Variants in EPHB1 observed in about 807,000 individuals in gnomAD.
EPHB1 encodes EPH receptor B1.
EPHB1 carries 30 observed loss-of-function variants against 94.4 expected under a neutral mutation model. That is an observed-to-expected ratio of 0.32 (90% CI 0.24 to 0.43). The LOEUF is 0.43. Among genes scored for constraint, EPHB1 ranks in the 20% least tolerant of loss-of-function variants. EPHB1 has a pLI of 1.00. For missense variants in EPHB1, 1,055 were observed against 1,308.3 expected, an observed-to-expected ratio of 0.81 and a Z score of 2.99; for synonymous variants, 522 against 489.1, an observed-to-expected ratio of 1.07 and a Z score of -0.89.
At chr3:134,949,819 C>G (rs1932948154) in intron 2 of EPHB1, among the ~76,000 whole-genome samples, 1 of 152,074 alleles carries the variant, frequency 6.6e-6, no homozygotes, top group Non-Finnish European at 1.5e-5. Context: ...GGAGAGCTCC[C>G]AGCTGTGGGC....
chr3:135,037,094 C>T (rs1159400095), intron 3 of EPHB1, among the ~76,000 whole-genome samples: 4 of 152,126 alleles, frequency 2.6e-5, no homozygotes, highest in South Asian at 2.1e-4. Flanking sequence ...ACCCTCATCC[C>T]AGGCCCAGTA....
intron 3 of EPHB1, among the ~76,000 whole-genome samples, chr3:135,035,632 CCT>C (rs1306563452): frequency 6.6e-6 from 1 of 152,054 alleles, no homozygotes; most frequent in Non-Finnish European, 1.5e-5. Flanking sequence ...CAGCACAGTC[CCT>C]CTCATACTCA....
chr3:135,145,111 A>G (rs1940967219), intron 5 of EPHB1, among the ~76,000 whole-genome samples: 1 of 152,196 alleles, frequency 6.6e-6, no homozygotes, highest in Non-Finnish European at 1.5e-5. Flanking sequence ...AAATTCAAGC[A>G]TATTTGGGCA....
chr3:135,030,345 C>G (rs1436319546), intron 3 of EPHB1, among the ~76,000 whole-genome samples: 2 of 152,140 alleles, frequency 1.3e-5, no homozygotes, highest in East Asian at 1.9e-4. Flanking sequence ...TTTTCCCTAT[C>G]TTTGTGGTTT....
intron 1 of EPHB1, among the ~76,000 whole-genome samples, chr3:134,803,668 T>C (rs981658047): frequency 6.6e-6 from 1 of 152,188 alleles, no homozygotes; most frequent in Non-Finnish European, 1.5e-5. Context: ...CTAAGCATTT[T>C]TTTCTCCCAT....
At chr3:135,115,591 C>T (rs1259135072) in intron 4 of EPHB1, among the ~76,000 whole-genome samples, 1 of 151,722 alleles carries the variant, frequency 6.6e-6, no homozygotes, top group Non-Finnish European at 1.5e-5. Context: ...TCTTTTAAAT[C>T]TGCTTCATGA....
chr3:135,120,270 G>A (rs545652362), intron 4 of EPHB1, among the ~76,000 whole-genome samples: 14 of 152,216 alleles, frequency 9.2e-5, no homozygotes, highest in Middle Eastern at 3.4e-3. Flanking sequence ...CTTCTTTTAC[G>A]TTCTTCGGTA....
chr3:135,039,037 C>T (rs1412326757), intron 3 of EPHB1, among the ~76,000 whole-genome samples: 1 of 152,108 alleles, frequency 6.6e-6, no homozygotes, highest in African/African-American at 2.4e-5. Context: ...AGTTTCGACA[C>T]ACAGGTTCTC....
At chr3:135,054,340 G>T (rs777314034) in intron 3 of EPHB1, among the ~76,000 whole-genome samples, 1 of 152,024 alleles carries the variant, frequency 6.6e-6, no homozygotes, top group Non-Finnish European at 1.5e-5. Flanking sequence ...TTTTGGACTT[G>T]CCAGTCCCCA....
At chr3:134,957,090 G>A (rs993315295) in intron 3 of EPHB1, among the ~76,000 whole-genome samples, 7 of 152,172 alleles carry the variant, frequency 4.6e-5, no homozygotes, top group African/African-American at 1.4e-4. Context: ...AGGACCAAGT[G>A]GAGAGAGAAG....
intron 3 of EPHB1, among the ~76,000 whole-genome samples, chr3:135,071,080 C>T (rs184239891): frequency 1.1e-4 from 17 of 152,322 alleles, no homozygotes; most frequent in African/African-American, 3.8e-4. Flanking sequence ...TACTGTCCCC[C>T]TCAAGGACTA....
chr3:135,155,606 C>A (rs1305468923), intron 6 of EPHB1, among the ~76,000 whole-genome samples: 1 of 151,808 alleles, frequency 6.6e-6, no homozygotes, highest in Non-Finnish European at 1.5e-5. Context: ...GAGTTCAAGA[C>A]TAGCCTGACC....
chr3:135,135,409 G>A (rs1940586329), intron 5 of EPHB1, among the ~76,000 whole-genome samples: 1 of 152,172 alleles, frequency 6.6e-6, no homozygotes, highest in Non-Finnish European at 1.5e-5. Context: ...AACCATCAAA[G>A]TAAACATTCA....
intron 1 of EPHB1, among the ~76,000 whole-genome samples, chr3:134,895,436 G>A (rs6763131): frequency 0.041 from 6,273 of 152,248 alleles, 409 homozygotes; most frequent in African/African-American, 0.14. Context: ...CCAACATCAC[G>A]CAGAGAGAAG....
chr3:135,239,693 C>T (rs1943735559), intron 12 of EPHB1, among the ~76,000 whole-genome samples: 1 of 152,192 alleles, frequency 6.6e-6, no homozygotes, highest in Non-Finnish European at 1.5e-5. Context: ...ACAGCACAGG[C>T]CATGCCAGCT....
intron 1 of EPHB1, among the ~76,000 whole-genome samples, chr3:134,864,984 TAC>T (rs2037342599): frequency 1.3e-5 from 2 of 152,220 alleles, no homozygotes; most frequent in South Asian, 2.1e-4. Flanking sequence ...GAAGAATTTC[TAC>T]AGTTTTCCTC....
At chr3:135,030,811 C>T (rs560186062) in intron 3 of EPHB1, among the ~76,000 whole-genome samples, 2 of 152,352 alleles carry the variant, frequency 1.3e-5, no homozygotes, top group East Asian at 3.9e-4. Flanking sequence ...TGGTGGGCGC[C>T]CCTCCCCCAG....
chr3:135,135,698 G>A (rs897809819), intron 5 of EPHB1, among the ~76,000 whole-genome samples: 2 of 152,174 alleles, frequency 1.3e-5, no homozygotes, highest in African/African-American at 2.4e-5. Flanking sequence ...CTCTGTGCCT[G>A]TGGCCACCTG....
intron 3 of EPHB1, among the ~76,000 whole-genome samples, chr3:135,098,284 T>A (rs1301738072): frequency 6.6e-6 from 1 of 152,178 alleles, no homozygotes; most frequent in Non-Finnish European, 1.5e-5. Flanking sequence ...AGAAACATAA[T>A]AATAATGTCA....
Sources: allele counts gnomAD v4.1 joint callset (sites outside exome capture counted in the v4.1 genomes callset), GRCh38; gene constraint gnomAD v4.1.1; transcripts MANE v1.5; gene names NCBI Gene and HGNC (gene_info 2026-07-23, HGNC 2026-07-21).